The following SPAG16 variants were observed in gnomAD, a reference collection of about 807,000 sequenced individuals.
SPAG16 encodes sperm-associated antigen 16 protein.
In SPAG16, 86 loss-of-function variants were observed where a neutral mutation model predicts 80.4. The observed-to-expected ratio is 1.07, with a 90% confidence interval of 0.90 to 1.28. The LOEUF (loss-of-function observed/expected upper bound fraction) is 1.28, where lower values mean the gene tolerates loss of function less well. SPAG16 is among the 50% of genes most tolerant of loss of function. The probability of loss-of-function intolerance (pLI) is 0.00; values close to 1 mark genes in which losing one functional copy is unlikely to be tolerated. For missense variants in SPAG16, 870 were observed against 765.3 expected, an observed-to-expected ratio of 1.14 and a Z score of -1.61; for synonymous variants, 294 against 265.9, an observed-to-expected ratio of 1.11 and a Z score of -1.03.
chr2:213,698,996 GCTT>G (rs1193891508), intron 10 of SPAG16, among the ~76,000 whole-genome samples: 4 of 152,248 alleles, frequency 2.6e-5, no homozygotes, highest in Admixed American at 1.3e-4. Context: ...AGTATCGCTA[GCTT>G]CTTCTTTTCC....
At chr2:214,197,164 A>G (rs181542780) in intron 15 of SPAG16, among the ~76,000 whole-genome samples, 29 of 152,154 alleles carry the variant, frequency 1.9e-4, no homozygotes, top group African/African-American at 7.0e-4. Flanking sequence ...AATGTTATGA[A>G]AATAATGTAG....
chr2:214,153,521 C>T (rs1179952988), intron 15 of SPAG16, among the ~76,000 whole-genome samples: 1 of 152,070 alleles, frequency 6.6e-6, no homozygotes, highest in African/African-American at 2.4e-5. Flanking sequence ...GCCTGGGTGG[C>T]TTGCCACCCA....
intron 9 of SPAG16, among the ~76,000 whole-genome samples, chr2:213,444,076 A>G (rs57290289): frequency 0.097 from 14,818 of 152,174 alleles, 1,882 homozygotes; most frequent in African/African-American, 0.29. Flanking sequence ...GTACACGTGC[A>G]TCCATTTAAA....
intron 9 of SPAG16, among the ~76,000 whole-genome samples, chr2:213,423,701 A>G (rs1053615360): frequency 2.6e-5 from 4 of 152,230 alleles, no homozygotes; most frequent in African/African-American, 7.2e-5. Flanking sequence ...TCTTTCAACA[A>G]TGCTGAAATA....
intron 10 of SPAG16, among the ~76,000 whole-genome samples, chr2:213,627,171 G>T (rs951940040): frequency 6.6e-6 from 1 of 152,078 alleles, no homozygotes; most frequent in Non-Finnish European, 1.5e-5. Context: ...TATGAGACAA[G>T]ATAGGATAGA....
chr2:213,858,329 C>T (rs897191907), intron 10 of SPAG16, among the ~76,000 whole-genome samples: 1 of 152,160 alleles, frequency 6.6e-6, no homozygotes, highest in African/African-American at 2.4e-5. Context: ...CTACAACCAT[C>T]TAGCCTTCAG....
At chr2:213,814,983 C>T (rs2372255) in intron 10 of SPAG16, among the ~76,000 whole-genome samples, 52,598 of 151,594 alleles carry the variant, frequency 0.35, 9,711 homozygotes, top group East Asian at 0.51. Context: ...TAACAATTCT[C>T]ACCCAATAAT....
chr2:213,601,513 A>G (rs187831321), intron 10 of SPAG16, among the ~76,000 whole-genome samples: 58 of 152,324 alleles, frequency 3.8e-4, no homozygotes, highest in Admixed American at 1.2e-3. Flanking sequence ...ACTATGGAGC[A>G]ATTAGAAATA....
chr2:213,866,231 T>A (rs895560725), intron 11 of SPAG16, among the ~76,000 whole-genome samples: 2 of 151,974 alleles, frequency 1.3e-5, no homozygotes, highest in African/African-American at 4.8e-5. Flanking sequence ...TCATTACTGG[T>A]TTTAAAAATA....
At chr2:214,383,697 G>GC (rs1700590975) in intron 15 of SPAG16, among the ~76,000 whole-genome samples, 1 of 152,280 alleles carries the variant, frequency 6.6e-6, no homozygotes. Context: ...ACTTGTTAAG[G>GC]CTGAGAGGTG....
intron 10 of SPAG16, among the ~76,000 whole-genome samples, chr2:213,530,191 A>G (rs1417871854): frequency 6.6e-6 from 1 of 152,230 alleles, no homozygotes; most frequent in African/African-American, 2.4e-5. Context: ...TAATAAATAT[A>G]TAAACCAGCA....
intron 13 of SPAG16, among the ~76,000 whole-genome samples, chr2:214,104,354 G>T (rs912310309): frequency 1.3e-5 from 2 of 152,136 alleles, no homozygotes; most frequent in South Asian, 4.1e-4. Flanking sequence ...GTATGCAGGA[G>T]CGTGACATGG....
intron 10 of SPAG16, among the ~76,000 whole-genome samples, chr2:213,589,151 C>T (rs2060591431): frequency 6.6e-6 from 1 of 152,108 alleles, no homozygotes; most frequent in South Asian, 2.1e-4. Flanking sequence ...ATATAGAATG[C>T]TTACATGCTT....
At chr2:214,174,757 G>T (rs2057010622) in intron 15 of SPAG16, among the ~76,000 whole-genome samples, 1 of 151,640 alleles carries the variant, frequency 6.6e-6, no homozygotes, top group Admixed American at 6.6e-5. Flanking sequence ...AGCTTCAAAG[G>T]TCACTCTGGG....
At chr2:213,651,936 T>C (rs571237276) in intron 10 of SPAG16, among the ~76,000 whole-genome samples, 2 of 152,228 alleles carry the variant, frequency 1.3e-5, no homozygotes, top group African/African-American at 4.8e-5. Flanking sequence ...TCTGCATTTC[T>C]ATTGGCAGTA....
intron 15 of SPAG16, among the ~76,000 whole-genome samples, chr2:214,285,280 T>TATC (rs1693268443): frequency 6.6e-6 from 1 of 152,230 alleles, no homozygotes; most frequent in Non-Finnish European, 1.5e-5. Context: ...CTTGGAAAAG[T>TATC]ATCTACTCAG....
At chr2:213,909,360 G>C (rs951934074) in intron 11 of SPAG16, among the ~76,000 whole-genome samples, 1 of 152,098 alleles carries the variant, frequency 6.6e-6, no homozygotes, top group Admixed American at 6.5e-5. Context: ...TTTCTTCACA[G>C]AATTGGAAAA....
rs1232867009 is a variant in SPAG16 at position 213,649,154 on chromosome 2, GA to G, written c.1070+159065del. On this transcript the variant is annotated intron_variant, in intron 10 of 15. Transcript: ENST00000331683. ...TACTTCCTATCAGAGAAAACTAAGA[GA>G]TAAGTTAAAATAATTTAAAGAAGAA... Among the ~76,000 whole-genome samples, 6 of 152,242 alleles carry G rather than the reference GA, an allele frequency of 3.9e-5. No homozygotes were observed. In the South Asian group the frequency reaches 1.2e-3, roughly 32 times the overall value.
At chr2:213,480,970 C>G (rs1346742183) in intron 9 of SPAG16, among the ~76,000 whole-genome samples, 2 of 152,114 alleles carry the variant, frequency 1.3e-5, no homozygotes, top group African/African-American at 4.8e-5. Flanking sequence ...GATAGCTGAG[C>G]TGTATTGCAA....
Sources: allele counts gnomAD v4.1 joint callset (sites outside exome capture counted in the v4.1 genomes callset), GRCh38; gene constraint gnomAD v4.1.1; transcripts MANE v1.5; gene names NCBI Gene and HGNC (gene_info 2026-07-23, HGNC 2026-07-21).